The following MYO16 variants were observed in gnomAD, a reference collection of about 807,000 sequenced individuals.
The protein encoded by MYO16 is unconventional myosin-XVI.
A neutral mutation model predicts 205.3 loss-of-function variants in MYO16; 94 were observed. The ratio of observed to expected loss-of-function variants is 0.46; its 90% confidence interval spans 0.39 to 0.54. The LOEUF is 0.54. Among genes scored for constraint, MYO16 ranks in the 20% least tolerant of loss-of-function variants. The pLI, the probability that MYO16 is intolerant of heterozygous loss-of-function variation, is 0.00. For missense variants in MYO16, 2,315 were observed against 2,387.5 expected, an observed-to-expected ratio of 0.97 and a Z score of 0.63; for synonymous variants, 988 against 954.0, an observed-to-expected ratio of 1.04 and a Z score of -0.66.
chr13:108,871,203 G>T (rs1879036426), intron 12 of MYO16, among the ~76,000 whole-genome samples: 1 of 151,750 alleles, frequency 6.6e-6, no homozygotes, highest in Non-Finnish European at 1.5e-5. Context: ...AACTCTTAGG[G>T]TTTCCAGTTT....
Position 108,792,991 on chromosome 13 carries a change from G to T in MYO16, c.617-525G>T, listed in dbSNP as rs779653431. On this transcript the variant is annotated intron_variant, in intron 5 of 34. Coordinates refer to ENST00000457511, the MANE Select transcript of MYO16 (RefSeq NM_001198950.3). ...TAAAACAGATATTAATTGAAAACCT[G>T]CCATTATAAGGCATCATATCATACT... is the stretch of plus-strand genomic sequence containing the variant. Among the ~76,000 whole-genome samples the T allele has an allele frequency of 1.1e-4, 16 of 152,186 alleles. No individual in the cohort carries two copies. In the Middle Eastern group the frequency reaches 0.01, roughly 97 times the overall value.
intron 22 of MYO16, among the ~76,000 whole-genome samples, chr13:109,014,323 A>G (rs1187347445): frequency 1.3e-5 from 2 of 152,068 alleles, no homozygotes; most frequent in African/African-American, 2.4e-5. Context: ...CCATTGGTCT[A>G]TCTCTCTGTT....
Position 109,141,130 on chromosome 13 carries a change from C to T in MYO16, c.4918C>T (p.Pro1640Ser). 1 of 1,589,830 alleles carries T rather than the reference C, an allele frequency of 6.3e-7. No individual in the cohort carries two copies. The highest frequency in any genetic ancestry group is 2.4e-5 in the East Asian group (1 of 42,198). ...GAGCGCAGAGGCGCCCAAGGTTCAC[C>T]CAAAGCCAAACTCTGCCCCCGTGGC... ...GPSAEAPKVH[P>S]KPNSAPVAGP... is the part of the protein sequence containing the mutation. The change falls in exon 32 of 35, where the codon CCA (proline) becomes TCA (serine). Residue 1640 changes from proline to serine, a missense_variant. This residue lies in a region of MYO16 where 1,097 missense variants were observed against 1,092.0 expected (regional missense o/e 1.00). Transcript: ENST00000457511. This position sits in a 1 kb window ranked among gnomAD's most constrained non-coding sequence, Gnocchi z 4.1.
intron 16 of MYO16, among the ~76,000 whole-genome samples, chr13:108,947,432 G>A (rs1342153590): frequency 6.6e-6 from 1 of 152,186 alleles, no homozygotes; most frequent in Non-Finnish European, 1.5e-5. Context: ...GTCAGATGCA[G>A]CTCCCCAGGC....
intron 21 of MYO16, among the ~76,000 whole-genome samples, chr13:109,003,994 TATGTCTTGTAA>T (rs1052211522): frequency 1.3e-5 from 2 of 152,208 alleles, no homozygotes; most frequent in African/African-American, 2.4e-5. Context: ...ATAATGTGGG[TATGTCTTGTAA>T]ATAATCAGCC....
chr13:109,104,482 AC>A (rs34185464), intron 28 of MYO16, among the ~76,000 whole-genome samples: 86,682 of 151,914 alleles, frequency 0.57, 24,982 homozygotes, highest in African/African-American at 0.64. Context: ...ATGCCTTTGC[AC>A]CCTCATTCCC....
At chr13:108,592,092 A>G (rs868199239), upstream of MYO16, among the ~76,000 whole-genome samples, 1,596 of 23,252 alleles carry the variant, frequency 0.069, 66 homozygotes, top group African/African-American at 0.23. Flanking sequence ...GTGGAGGTGC[A>G]GGGGGCTGTG....
intron 32 of MYO16, among the ~76,000 whole-genome samples, chr13:109,149,987 CAT>C (rs919299078): frequency 2.6e-5 from 4 of 152,192 alleles, no homozygotes; most frequent in African/African-American, 9.7e-5. Context: ...TTGTAGGACA[CAT>C]ATGACTTGCT....
intron 15 of MYO16, among the ~76,000 whole-genome samples, chr13:108,898,905 T>A (rs1047024606): frequency 2.0e-5 from 3 of 152,168 alleles, no homozygotes; most frequent in African/African-American, 7.2e-5. Context: ...CAGATATTTT[T>A]AAAAAACTTT....
At chr13:108,665,102 T>C (rs1881666631) in intron 1 of MYO16, among the ~76,000 whole-genome samples, 1 of 152,038 alleles carries the variant, frequency 6.6e-6, no homozygotes, top group African/African-American at 2.4e-5. Context: ...GCACATATAT[T>C]CTCCTGTTTT....
At chr13:108,733,751 A>G (rs960631200) in intron 4 of MYO16, among the ~76,000 whole-genome samples, 3 of 152,186 alleles carry the variant, frequency 2.0e-5, no homozygotes, top group East Asian at 1.9e-4. Flanking sequence ...TTATGAGGTC[A>G]GGAGATCGAG....
In MYO16 at chr13:109,055,342, G is replaced by A. The variant is rs767919722; in HGVS notation, c.3130-48G>A. 1.4e-6 allele frequency: 2 copies of A among 1,444,102 alleles called. No individual in the cohort carries two copies. The highest frequency in any genetic ancestry group is 1.2e-5 in the South Asian group (1 of 82,518). 89.5% of individuals were successfully genotyped at this position (1,444,102 alleles called of 1,614,324 possible). A position where few individuals can be genotyped will look rare whatever the true frequency, so the allele number is the denominator to read the frequency against. On this transcript the variant is annotated intron_variant, in intron 26 of 34. Transcript: ENST00000457511. The surrounding 1 kb of genome is among the most constrained non-coding windows in gnomAD (Gnocchi z 5.0). Reference sequence around the variant, plus strand: ...ATTTAAAAACTGCTTTATATTTTTAGCTAGTGTCTCCTTTGGAGAATCAGT... The same window carrying A: ...ATTTAAAAACTGCTTTATATTTTTAACTAGTGTCTCCTTTGGAGAATCAGT...
At chr13:108,925,956 C>T (rs1439394733) in intron 16 of MYO16, among the ~76,000 whole-genome samples, 1 of 152,218 alleles carries the variant, frequency 6.6e-6, no homozygotes, top group Non-Finnish European at 1.5e-5. Context: ...AATTCATCCT[C>T]CTCCCCTGGG....
At chr13:108,807,932 G>A (rs1206355562) in intron 7 of MYO16, among the ~76,000 whole-genome samples, 1 of 152,194 alleles carries the variant, frequency 6.6e-6, no homozygotes, top group Admixed American at 6.5e-5. Flanking sequence ...AGGGAAATGA[G>A]TATACATTTC....
At chr13:109,189,820 T>C (rs76115979) in intron 34 of MYO16, among the ~76,000 whole-genome samples, 3,165 of 152,316 alleles carry the variant, frequency 0.021, 117 homozygotes, top group African/African-American at 0.072. Flanking sequence ...GCATTTCATT[T>C]AGAGTAGGCC....
chr13:109,080,317 A>G (rs953141517), intron 27 of MYO16, among the ~76,000 whole-genome samples: 1 of 152,226 alleles, frequency 6.6e-6, no homozygotes, highest in South Asian at 2.1e-4. Context: ...AAATTAACAT[A>G]GAGCAGCTGG....
intron 31 of MYO16, among the ~76,000 whole-genome samples, chr13:109,138,078 A>G (rs1876863576): frequency 6.6e-6 from 1 of 152,238 alleles, no homozygotes; most frequent in Admixed American, 6.5e-5. Context: ...TTGAATGCAT[A>G]TGACTGAATG....
intron 34 of MYO16, among the ~76,000 whole-genome samples, chr13:109,195,073 TAA>T (rs1880094023): frequency 6.6e-6 from 1 of 152,054 alleles, no homozygotes; most frequent in Non-Finnish European, 1.5e-5. Flanking sequence ...TAAATTATAC[TAA>T]GTGTGTTCCA....
intron 4 of MYO16, among the ~76,000 whole-genome samples, chr13:108,762,990 A>G (rs1885659817): frequency 6.6e-6 from 1 of 152,218 alleles, no homozygotes; most frequent in Non-Finnish European, 1.5e-5. Context: ...ATTAGTCCAC[A>G]ATGCATTGTA....
Sources: allele counts gnomAD v4.1 joint callset (sites outside exome capture counted in the v4.1 genomes callset), GRCh38; gene constraint gnomAD v4.1.1; regional missense constraint gnomAD v4.1.1; non-coding constraint Gnocchi (gnomAD v3.1); transcripts MANE v1.5; gene names NCBI Gene and HGNC (gene_info 2026-07-23, HGNC 2026-07-21).